The following LRP1B variants were observed in gnomAD, a reference collection of about 807,000 sequenced individuals.
LRP1B encodes LDL receptor related protein 1B, also known as low-density lipoprotein receptor-related protein 1B.
A neutral mutation model predicts 556.6 loss-of-function variants in LRP1B; 217 were observed. That is an observed-to-expected ratio of 0.39 (90% CI 0.35 to 0.44). The LOEUF (loss-of-function observed/expected upper bound fraction) is 0.44. Ranked by LOEUF, LRP1B falls within the 20% of genes least tolerant of loss-of-function variation. The probability of loss-of-function intolerance (pLI) is 1.00; values close to 1 mark genes in which losing one functional copy is unlikely to be tolerated. For synonymous variants in LRP1B, 2,047 were observed against 1,865.8 expected (o/e 1.10, Z -2.50); for missense variants, 5,053 against 5,620.8 (o/e 0.90, Z 3.23).
At chr2:141,140,646 G>A (rs1701627246) in intron 7 of LRP1B, among the ~76,000 whole-genome samples, 1 of 152,118 alleles carries the variant, frequency 6.6e-6, no homozygotes, top group East Asian at 1.9e-4. Flanking sequence ...TGCAAGCTAA[G>A]GACAGACGTC....
At chr2:140,248,236 A>T (rs1287077620) in intron 86 of LRP1B, among the ~76,000 whole-genome samples, 2 of 151,726 alleles carry the variant, frequency 1.3e-5, no homozygotes, top group African/African-American at 4.8e-5. Flanking sequence ...AACATGGGCA[A>T]ATTCTCATAA....
chr2:140,519,810 C>T (rs1452729316), intron 49 of LRP1B, among the ~76,000 whole-genome samples: 1 of 152,254 alleles, frequency 6.6e-6, no homozygotes, highest in Non-Finnish European at 1.5e-5. Flanking sequence ...AGGATATAAA[C>T]AGACACTTCT....
intron 3 of LRP1B, among the ~76,000 whole-genome samples, chr2:141,359,389 G>A (rs1456088588): frequency 6.6e-6 from 1 of 151,686 alleles, no homozygotes; most frequent in Non-Finnish European, 1.5e-5. Flanking sequence ...GGAGAAGAGA[G>A]AAAATATTAC....
At chr2:141,893,273 T>A (rs1699345506) in intron 1 of LRP1B, among the ~76,000 whole-genome samples, 2 of 152,196 alleles carry the variant, frequency 1.3e-5, no homozygotes, top group African/African-American at 4.8e-5. Flanking sequence ...CGATCTCGGC[T>A]CACTGCAACC....
intron 2 of LRP1B, among the ~76,000 whole-genome samples, chr2:141,524,949 T>A (rs1684647356): frequency 6.6e-6 from 1 of 152,150 alleles, no homozygotes; most frequent in South Asian, 2.1e-4. Flanking sequence ...GAGCTAGATG[T>A]TTGCACCATG....
rs1683041713 is a variant in LRP1B at position 140,610,735 on chromosome 2, G to A, written c.6800-9096C>T. On this transcript the variant is annotated intron_variant, in intron 41 of 90. Transcript: ENST00000389484. ...TGAGTAGCTGGGACTACAGGTGCCC[G>A]CCACCATGGCCGGCTAATTTTTTGT... 3.3e-5 allele frequency among the ~76,000 whole-genome samples: 5 copies of A among 152,250 alleles called. No individual in the cohort carries two copies. The South Asian group carries it at 1.0e-3, about 32-fold the overall frequency.
chr2:140,448,368 A>G (rs1686753476), intron 63 of LRP1B, among the ~76,000 whole-genome samples: 1 of 152,162 alleles, frequency 6.6e-6, no homozygotes, highest in Non-Finnish European at 1.5e-5. Flanking sequence ...GTGTCCATCA[A>G]TGGATGAATG....
chr2:141,433,953 C>T lies in LRP1B; in HGVS notation c.343+46443G>A, dbSNP rs977193493. 6.6e-4 allele frequency among the ~76,000 whole-genome samples: 92 copies of T among 139,638 alleles called. No homozygotes were observed. In the East Asian group the frequency reaches 6.6e-3, roughly 10 times the overall value. The allele number at this position is 139,638 out of a possible 152,430, so 91.6% of individuals were successfully genotyped here. ...CACTATCTAATGGTCTCTATTCTAA[C>T]AAGTCAGCTGATAGTTTTGTTGGGG... On this transcript the variant is annotated intron_variant, in intron 3 of 90. Coordinates refer to ENST00000389484, the MANE Select transcript of LRP1B (RefSeq NM_018557.3).
chr2:141,815,456 T>C (rs954347769), intron 1 of LRP1B, among the ~76,000 whole-genome samples: 7 of 152,052 alleles, frequency 4.6e-5, no homozygotes, highest in Non-Finnish European at 2.9e-5. Flanking sequence ...CAGTGCTCTG[T>C]AGCTTGCAAG....
chr2:141,650,028 AAGTT>A (rs941767889), intron 2 of LRP1B, among the ~76,000 whole-genome samples: 2 of 152,058 alleles, frequency 1.3e-5, no homozygotes, highest in Non-Finnish European at 2.9e-5. Flanking sequence ...AAAAATATAA[AAGTT>A]AGCGCGGCAT....
intron 79 of LRP1B, among the ~76,000 whole-genome samples, chr2:140,326,545 T>C (rs1476500107): frequency 6.6e-6 from 1 of 151,986 alleles, no homozygotes; most frequent in Non-Finnish European, 1.5e-5. Flanking sequence ...TGAAACCCTG[T>C]CTCTACTAAA....
At chr2:141,731,905 T>G (rs1001286717) in intron 2 of LRP1B, among the ~76,000 whole-genome samples, 1 of 152,182 alleles carries the variant, frequency 6.6e-6, no homozygotes, top group Non-Finnish European at 1.5e-5. Context: ...CTATGGCATT[T>G]GAGAAGGTTG....
At chr2:141,793,453 TG>T (rs1308504599) in intron 2 of LRP1B, among the ~76,000 whole-genome samples, 5 of 151,950 alleles carry the variant, frequency 3.3e-5, no homozygotes, top group African/African-American at 1.2e-4. Flanking sequence ...CAGATTTATC[TG>T]GTCCCAGGTT....
intron 5 of LRP1B, among the ~76,000 whole-genome samples, chr2:141,241,764 T>A (rs1314023651): frequency 1.3e-5 from 2 of 152,056 alleles, no homozygotes; most frequent in Non-Finnish European, 2.9e-5. Context: ...CATGCACGCA[T>A]ACGTGATAGT....
intron 2 of LRP1B, among the ~76,000 whole-genome samples, chr2:141,707,605 G>A (rs1007814674): frequency 5.9e-5 from 9 of 152,126 alleles, no homozygotes; most frequent in African/African-American, 1.9e-4. Flanking sequence ...CTGCACCACT[G>A]TTGAAAATAC....
chr2:140,516,793 G>T (rs2104938133), intron 50 of LRP1B, 96 bp downstream of exon 50: 1 of 1,098,268 alleles, frequency 9.1e-7, no homozygotes, highest in Non-Finnish European at 1.3e-6. Context: ...GTTAAAATCA[G>T]CTGACAATGT....
intron 1 of LRP1B, among the ~76,000 whole-genome samples, chr2:141,928,520 AG>A (rs1309671362): frequency 6.6e-6 from 1 of 152,136 alleles, no homozygotes; most frequent in Non-Finnish European, 1.5e-5. Flanking sequence ...GTTCTTTCAA[AG>A]GTACATTCAA....
intron 41 of LRP1B, among the ~76,000 whole-genome samples, chr2:140,631,320 A>C (rs1032151652): frequency 2.6e-5 from 4 of 152,236 alleles, no homozygotes; most frequent in African/African-American, 9.6e-5. Flanking sequence ...CAAAGCATGC[A>C]TCAGAACTGG....
At chr2:141,726,074 A>G (rs1041059599) in intron 2 of LRP1B, among the ~76,000 whole-genome samples, 1 of 151,676 alleles carries the variant, frequency 6.6e-6, no homozygotes, top group Admixed American at 6.6e-5. Context: ...AAAAGAAAAA[A>G]TTAGAAAATA....
Sources: gnomAD v4.1 joint callset for allele counts (sites outside exome capture counted in the v4.1 genomes callset) on GRCh38, gnomAD v4.1.1 for gene constraint, MANE v1.5 for transcripts, NCBI Gene and HGNC (gene_info 2026-07-23, HGNC 2026-07-21) for gene names.